The following KCNQ1 variants were observed in gnomAD, a reference collection of about 807,000 sequenced individuals.
The protein encoded by KCNQ1 is potassium voltage-gated channel subfamily Q member 1, also known as potassium voltage-gated channel subfamily KQT member 1.
Under a neutral mutation model 72.4 loss-of-function variants are expected in KCNQ1, and 49 were observed. That is an observed-to-expected ratio of 0.68 (90% CI 0.54 to 0.86). KCNQ1 has a LOEUF of 0.86. Ranked by LOEUF, KCNQ1 falls within the 40% of genes least tolerant of loss-of-function variation. The pLI is 0.00. For synonymous variants in KCNQ1, 450 were observed against 412.6 expected (o/e 1.09, Z -1.10); for missense variants, 790 against 945.1 (o/e 0.84, Z 2.15).
Position 2,654,753 on chromosome 11 carries a change from G to C in KCNQ1, c.1394-7208G>C. 2.5e-6 allele frequency: 1 copy of C among 398,686 alleles called. No homozygotes were observed. Among genetic ancestry groups the C allele is most frequent in the African/African-American group, 2.1e-5 (1 of 48,694 alleles). The allele number at this position is 398,686 out of a possible 1,614,324, so 24.7% of individuals were successfully genotyped here. On this transcript the variant is annotated intron_variant, in intron 10 of 15. Transcript: ENST00000155840. This position sits in a 1 kb window ranked among gnomAD's most constrained non-coding sequence, Gnocchi z 6.4. ...CTGGGCAGGGAGGGGTCTGGGGCTCGATGAGAAGGCAGAGGAAGTGAGACC... is the reference window on the plus strand; with the variant it reads ...CTGGGCAGGGAGGGGTCTGGGGCTCCATGAGAAGGCAGAGGAAGTGAGACC...
rs1240501211 is a variant in KCNQ1, at chr11:2,782,854, T to C, written c.1794+4817T>C. On this transcript the variant is annotated intron_variant, in intron 15 of 15. Coordinates refer to ENST00000155840, the MANE Select transcript of KCNQ1 (RefSeq NM_000218.3). This position sits in a 1 kb window ranked among gnomAD's most constrained non-coding sequence, Gnocchi z 6.1. ...AACTTGACACTATTCCCCTGTCTTATTAAATGTTTCGTGGACTTCTGGCTT... is the reference window on the plus strand; with the variant it reads ...AACTTGACACTATTCCCCTGTCTTACTAAATGTTTCGTGGACTTCTGGCTT... 1.3e-5 allele frequency among the ~76,000 whole-genome samples: 2 copies of C among 152,198 alleles called. No homozygotes were observed. Among genetic ancestry groups the C allele is most frequent in the Non-Finnish European group, 2.9e-5 (2 of 68,018 alleles).
chr11:2,679,487 A>C lies in KCNQ1; in HGVS notation c.1514+17406A>C. On this transcript the variant is annotated intron_variant, in intron 11 of 15. Transcript: ENST00000155840. This position sits in a 1 kb window ranked among gnomAD's most constrained non-coding sequence, Gnocchi z 4.8. ...AAGTATGCAGAAAAGTGCCTGTCCT[A>C]TAGTAGTGACACAGTGTTACTTAAA... The C allele has an allele frequency of 2.5e-6, 1 of 398,658 alleles. No homozygotes were observed. The highest frequency in any genetic ancestry group is 4.4e-6 in the Non-Finnish European group (1 of 226,072). 24.7% of individuals were successfully genotyped at this position (398,658 alleles called of 1,614,324 possible). A position where few individuals can be genotyped will look rare whatever the true frequency, so the allele number is the denominator to read the frequency against.
intron 10 of KCNQ1, chr11:2,630,691 T>A (rs1849338535): frequency 2.5e-6 from 1 of 398,374 alleles, no homozygotes; most frequent in Non-Finnish European, 4.4e-6. Context: ...TACTTTCATA[T>A]GTTTTCATGT....
chr11:2,797,686 C>CG (rs1847166640), intron 15 of KCNQ1, among the ~76,000 whole-genome samples: 1 of 152,278 alleles, frequency 6.6e-6, no homozygotes, highest in Admixed American at 6.5e-5. Context: ...CCTCCTCCCC[C>CG]GGGCCCCGTA....
At chr11:2,716,211 G>A (rs776927835) in intron 11 of KCNQ1, among the ~76,000 whole-genome samples, 6 of 152,148 alleles carry the variant, frequency 3.9e-5, no homozygotes, top group Non-Finnish European at 7.3e-5. Context: ...AAAGCAACAT[G>A]TACCCTCTCC....
At position 2,565,854 on chromosome 11, in the gene KCNQ1, G is replaced by A. The variant is rs1263234118; in HGVS notation, c.478-4774G>A. On this transcript the variant is annotated intron_variant, in intron 2 of 15. Transcript: ENST00000155840. This position sits in a 1 kb window ranked among gnomAD's most constrained non-coding sequence, Gnocchi z 5.6. ...GGGGTTTGGCTTCCTGACCCTGAAC[G>A]TCTTTGTCCCAGGCCCTTCACTGGG... Among the ~76,000 whole-genome samples, 4 of 152,342 alleles carry A rather than the reference G, an allele frequency of 2.6e-5. No individual in the cohort carries two copies. The highest frequency in any genetic ancestry group is 3.9e-4 in the East Asian group (2 of 5,174).
At chr11:2,732,965 G>A (rs539308055) in intron 11 of KCNQ1, among the ~76,000 whole-genome samples, 1 of 152,272 alleles carries the variant, frequency 6.6e-6, no homozygotes, top group South Asian at 2.1e-4. Flanking sequence ...CTGGGGGCTG[G>A]TGACCACCCA....
At chr11:2,634,085 G>C (rs1194040587) in intron 10 of KCNQ1, 1 of 397,050 alleles carries the variant, frequency 2.5e-6, no homozygotes, top group East Asian at 3.6e-5. Flanking sequence ...GTGGTTCCAT[G>C]CAAGTTTAAG....
At chr11:2,454,427 G>A (rs1846156913) in intron 1 of KCNQ1, among the ~76,000 whole-genome samples, 2 of 152,144 alleles carry the variant, frequency 1.3e-5, no homozygotes, top group South Asian at 4.1e-4. Context: ...AAAAATGTGT[G>A]CTGAATTAGT....
chr11:2,614,779 T>C, intron 10 of KCNQ1: 1 of 398,528 alleles, frequency 2.5e-6, no homozygotes, highest in Non-Finnish European at 4.4e-6. Flanking sequence ...AGTACCACAT[T>C]GTTTTGATTA....
intron 10 of KCNQ1, chr11:2,616,481 A>G (rs1403986256): frequency 7.5e-6 from 3 of 397,816 alleles, no homozygotes; most frequent in Admixed American, 4.4e-5. Context: ...AAGGTATAAT[A>G]TTAGGTTATG....
rs1193557714 is a variant in KCNQ1 at position 2,643,249 on chromosome 11, G to A, written c.1394-18712G>A. The A allele has an allele frequency of 5.0e-6, 2 of 398,034 alleles. 1 individual carries two copies. The highest frequency in any genetic ancestry group is 4.1e-5 in the African/African-American group (2 of 48,580). The allele number at this position is 398,034 out of a possible 1,614,324, so 24.7% of individuals were successfully genotyped here. A position where few individuals can be genotyped will look rare whatever the true frequency, so the allele number is the denominator to read the frequency against. ...TGTCTAGATGATCTGTCTAATACTGGAAATGGAGAATTGAAGTTCCCAAGA... is the reference window on the plus strand; with the variant it reads ...TGTCTAGATGATCTGTCTAATACTGAAAATGGAGAATTGAAGTTCCCAAGA... On this transcript the variant is annotated intron_variant, in intron 10 of 15. Transcript: ENST00000155840.
At chr11:2,461,720 T>C in intron 1 of KCNQ1, 1 of 1,366,730 alleles carries the variant, frequency 7.3e-7, no homozygotes, top group Non-Finnish European at 9.8e-7. Flanking sequence ...ATGGAGTAGG[T>C]ACCCCGGGGG....
At chr11:2,586,785 C>T (rs1417471264) in intron 8 of KCNQ1, among the ~76,000 whole-genome samples, 3 of 152,138 alleles carry the variant, frequency 2.0e-5, no homozygotes, top group African/African-American at 7.2e-5. Flanking sequence ...CCCAGGAGCC[C>T]ATCAGTGTGG....
At chr11:2,821,755 G>C (rs1008876052) in intron 15 of KCNQ1, among the ~76,000 whole-genome samples, 2 of 152,024 alleles carry the variant, frequency 1.3e-5, no homozygotes, top group African/African-American at 4.8e-5. Flanking sequence ...CTATGTACTG[G>C]TCCTATAGGG....
At chr11:2,614,235 G>C in intron 10 of KCNQ1, 1 of 398,512 alleles carries the variant, frequency 2.5e-6, no homozygotes, top group Non-Finnish European at 4.4e-6. Flanking sequence ...CTCCACTATA[G>C]CTGCTGCTCT....
Position 2,620,193 on chromosome 11 carries a change from A to G in KCNQ1, c.1393+31339A>G. The G allele has an allele frequency of 5.6e-6, 2 of 359,256 alleles. No homozygotes were observed. Among genetic ancestry groups the G allele is most frequent in the Non-Finnish European group, 9.6e-6 (2 of 209,276 alleles). 22.3% of individuals were successfully genotyped at this position (359,256 alleles called of 1,614,324 possible). A position where few individuals can be genotyped will look rare whatever the true frequency, so the allele number is the denominator to read the frequency against. On this transcript the variant is annotated intron_variant, in intron 10 of 15. Coordinates refer to ENST00000155840, the MANE Select transcript of KCNQ1 (RefSeq NM_000218.3). This position sits in a 1 kb window ranked among gnomAD's most constrained non-coding sequence, Gnocchi z 4.5. Reference sequence around the variant, plus strand: ...ATGTTGCTGCAAAGGACGTAAGTTCATTCATGTATATATATATATTTTTTT... The same window carrying G: ...ATGTTGCTGCAAAGGACGTAAGTTCGTTCATGTATATATATATATTTTTTT...
chr11:2,510,869 C>T (rs1847189119), intron 1 of KCNQ1, among the ~76,000 whole-genome samples: 1 of 152,224 alleles, frequency 6.6e-6, no homozygotes, highest in Admixed American at 6.5e-5. Context: ...CTCTGCTCCC[C>T]TGGCCCAGAC....
At chr11:2,474,616 G>A (rs1475645971) in intron 1 of KCNQ1, among the ~76,000 whole-genome samples, 1 of 152,178 alleles carries the variant, frequency 6.6e-6, no homozygotes, top group Non-Finnish European at 1.5e-5. Flanking sequence ...GTCAGCTGGA[G>A]GCTCTTTCAC....
Sources: allele counts gnomAD v4.1 joint callset (sites outside exome capture counted in the v4.1 genomes callset), GRCh38; gene constraint gnomAD v4.1.1; non-coding constraint Gnocchi (gnomAD v3.1); transcripts MANE v1.5; gene names NCBI Gene and HGNC (gene_info 2026-07-23, HGNC 2026-07-21).